The following TMEM225B variants were observed in gnomAD, a reference collection of about 807,000 sequenced individuals.
TMEM225B encodes transmembrane protein 225-like.
A neutral mutation model predicts 16.9 loss-of-function variants in TMEM225B; 10 were observed. The ratio of observed to expected loss-of-function variants is 0.59; its 90% CI spans 0.36 to 1.00. The LOEUF (loss-of-function observed/expected upper bound fraction) is 1.00. Among genes scored for constraint, TMEM225B ranks in the 50% least tolerant of loss-of-function variants. The probability of loss-of-function intolerance (pLI) is 0.01; values close to 1 mark genes in which losing one functional copy is unlikely to be tolerated. For synonymous variants in TMEM225B, 92 were observed against 109.8 expected, an observed-to-expected ratio of 0.84 and a Z score of 1.01; for missense variants, 217 against 267.0, an observed-to-expected ratio of 0.81 and a Z score of 1.30.
At chr7:99,605,055 G>A (rs928706457) in intron 3 of TMEM225B, among the ~76,000 whole-genome samples, 4 of 151,906 alleles carry the variant, frequency 2.6e-5, no homozygotes, top group Admixed American at 6.6e-5. Context: ...AATTAACCAG[G>A]CTTGGTTAAC....
intron 3 of TMEM225B, among the ~76,000 whole-genome samples, chr7:99,605,744 C>T (rs760738490): frequency 5.3e-5 from 8 of 152,240 alleles, no homozygotes; most frequent in East Asian, 3.9e-4. Flanking sequence ...TGTGCCCCAC[C>T]GTGCCCAACT....
Position 99,599,169 on chromosome 7 carries a change from G to A in TMEM225B, c.-85+788G>A, listed in dbSNP as rs374867203. On this transcript the variant is annotated intron_variant, in intron 1 of 5. Transcript: ENST00000431679. ...TTTTTGTATTTTTAGTAGAGACGGG[G>A]TTTCACCGTGTTAGCTAGGATGGTC... Among the ~76,000 whole-genome samples the A allele has an allele frequency of 3.6e-3, 535 of 148,572 alleles. 4 individuals carry two copies. Among genetic ancestry groups the A allele is most frequent in the African/African-American group, 0.012 (477 of 39,856 alleles).
chr7:99,607,018 C>T (rs2151213886), intron 4 of TMEM225B, 124 bp downstream of exon 4: 2 of 1,051,030 alleles, frequency 1.9e-6, no homozygotes, highest in Non-Finnish European at 2.7e-6. Flanking sequence ...GACAGGGTCT[C>T]ACTCTGTTAC....
At position 99,606,753 on chromosome 7, in the gene TMEM225B, A is replaced by G. The variant is rs1805849464; in HGVS notation, c.214A>G (p.Ile72Val). The G allele has an allele frequency of 6.5e-7, 1 of 1,535,970 alleles. No homozygotes were observed. The change falls in exon 4 of 6, where the codon ATC becomes GTC. Residue 72 changes from isoleucine to valine, a missense_variant. By Grantham distance (29) the Ile-to-Val change is conservative (BLOSUM62 3). Coordinates refer to ENST00000431679, the MANE Select transcript of TMEM225B (RefSeq NM_001195541.3). ...CWKPRPLSIY[I>V]ILGRVFLLSA... is the part of the protein sequence containing the mutation. ...CACTTCTCCCTCCCCTGCAGTTTAC[A>G]TCATCCTCGGCCGGGTTTTCCTGCT...
At chr7:99,607,091 G>T (rs1185031179) in intron 4 of TMEM225B, among the ~76,000 whole-genome samples, 197 bp downstream of exon 4, 1 of 152,080 alleles carries the variant, frequency 6.6e-6, no homozygotes, top group Non-Finnish European at 1.5e-5. Context: ...AGGCTAAAGT[G>T]ATCCTCCCAC....
In TMEM225B at chr7:99,606,864, T is replaced by C. The variant is rs185930051; in HGVS notation, c.325T>C (p.Phe109Leu). The change falls in exon 4 of 6, where the codon TTT becomes CTT. Residue 109 changes from phenylalanine (F) to leucine (L), a missense_variant. Phe to Leu is a conservative substitution (Grantham distance 22, BLOSUM62 0). Coordinates refer to ENST00000431679, the MANE Select transcript of TMEM225B (RefSeq NM_001195541.3). ...EFFPRTWKQNFVLACISFFTG... is the reference protein window; with the variant it reads ...EFFPRTWKQNLVLACISFFTG... ...CTTCCCGAGGACCTGGAAGCAAAAC[T>C]TTGTGTTAGCCTGCATCAGCTTCTT... 2.5e-4 allele frequency: 382 copies of C among 1,536,128 alleles called. 1 individual carries two copies. The African/African-American group carries it at 4.6e-3, about 19-fold the overall frequency.
chr7:99,607,765 C>A lies in TMEM225B; in HGVS notation c.448C>A (p.Pro150Thr), dbSNP rs913465780. The A allele has an allele frequency of 2.6e-6, 4 of 1,535,966 alleles. No homozygotes were observed. Among genetic ancestry groups the A allele is most frequent in the Non-Finnish European group, 3.5e-6 (4 of 1,146,896 alleles). The change falls in exon 5 of 6, where the codon CCT (proline) becomes ACT (threonine). Residue 150 changes from proline (P) to threonine (T), a missense_variant. Pro to Thr is a conservative substitution (Grantham distance 38). Transcript: ENST00000431679. Reference protein sequence around the residue: ...LGPLQFSVLWPYYVLGFGIFL... With the variant: ...LGPLQFSVLWTYYVLGFGIFL... ...CCCCCTGCAGTTCTCCGTGCTGTGGCCTTACTACGTGCTGGGCTTCGGCAT... is the reference window on the plus strand; with the variant it reads ...CCCCCTGCAGTTCTCCGTGCTGTGGACTTACTACGTGCTGGGCTTCGGCAT...
intron 1 of TMEM225B, among the ~76,000 whole-genome samples, chr7:99,599,545 T>C (rs755981540): frequency 2.0e-5 from 3 of 152,160 alleles, no homozygotes; most frequent in Admixed American, 6.5e-5. Flanking sequence ...CAAGACCCTG[T>C]CTCAAAAAAG....
rs1323145824 is a variant in TMEM225B at position 99,607,669 on chromosome 7, C to A, written c.356-4C>A. 6 of 1,535,276 alleles carry A rather than the reference C, an allele frequency of 3.9e-6. No homozygotes were observed. The highest frequency in any genetic ancestry group is 5.2e-6 in the Non-Finnish European group (6 of 1,146,506). The stretch of plus-strand genomic sequence containing the variant: ...ACCGAGGGTGTCTCCCTGTGACCCT[C>A]CAGGGGCCTGTGCCTTCCTGGCTTT... On this transcript the variant is annotated splice_polypyrimidine_tract_variant and splice_region_variant and intron_variant, in intron 4 of 5. Transcript: ENST00000431679.
intron 3 of TMEM225B, among the ~76,000 whole-genome samples, chr7:99,605,181 G>C (rs1805699982): frequency 6.6e-6 from 1 of 152,122 alleles, no homozygotes; most frequent in African/African-American, 2.4e-5. Flanking sequence ...TTTCACATGG[G>C]TCTGCATCAT....
In TMEM225B at chr7:99,610,763, C is replaced by A; in HGVS notation, c.*198C>A. The stretch of plus-strand genomic sequence containing the variant: ...AAATTTGCTAAAAGTCCTTTCAACT[C>A]TTCTGAGCTTCCTAAGTGACGTTTT... On this transcript the variant is annotated 3_prime_UTR_variant, in exon 6 of 6. Transcript: ENST00000431679. 1 of 458,222 alleles carries A rather than the reference C, an allele frequency of 2.2e-6. No individual in the cohort carries two copies. Among genetic ancestry groups the A allele is most frequent in the East Asian group, 3.1e-5 (1 of 31,936 alleles). 28.4% of individuals were successfully genotyped at this position (458,222 alleles called of 1,614,324 possible). A position where few individuals can be genotyped will look rare whatever the true frequency, so the allele number is the denominator to read the frequency against.
chr7:99,604,349 G>A lies in TMEM225B; in HGVS notation c.-3-37G>A, dbSNP rs565316630. 240 of 1,458,068 alleles carry A rather than the reference G, an allele frequency of 1.6e-4. No homozygotes were observed. The East Asian group carries it at 2.3e-3, about 14-fold the overall frequency. 90.3% of individuals were successfully genotyped at this position (1,458,068 alleles called of 1,614,324 possible). ...TCTGTGCTGCAGGAGAATTTGGGTC[G>A]GTGTCCCACCTCCACGATCACTTTT... On this transcript the variant is annotated intron_variant, in intron 2 of 5. Transcript: ENST00000431679.
At chr7:99,601,437 T>TA (rs1481793714) in intron 2 of TMEM225B, among the ~76,000 whole-genome samples, 1 of 151,912 alleles carries the variant, frequency 6.6e-6, no homozygotes, top group Non-Finnish European at 1.5e-5. Flanking sequence ...TACAAAAAAT[T>TA]AAAAAATTAG....
chr7:99,604,323 C>T (rs1805607221), intron 2 of TMEM225B, 63 bp from the exon 3 acceptor site: 1 of 1,095,424 alleles, frequency 9.1e-7, no homozygotes, highest in Non-Finnish European at 1.3e-6. Flanking sequence ...GTCTCCTTCC[C>T]TCTGTGCTGC....
chr7:99,600,684 GC>G lies in TMEM225B; in HGVS notation c.-4+404del, dbSNP rs1370922915. Among the ~76,000 whole-genome samples the G allele has an allele frequency of 2.6e-5, 4 of 152,232 alleles. No homozygotes were observed. The East Asian group carries it at 7.7e-4, about 29-fold the overall frequency. Reference sequence around the variant, plus strand: ...CCACGAGAACCGTATGGGGGAAACTGCCCCCGTGATTCAATTATCTCCACCT... The same window carrying G: ...CCACGAGAACCGTATGGGGGAAACTGCCCCGTGATTCAATTATCTCCACCT... On this transcript the variant is annotated intron_variant, in intron 2 of 5. Transcript: ENST00000431679.
chr7:99,607,583 G>A, intron 4 of TMEM225B, 90 bp from the exon 5 acceptor site: 1 of 1,319,750 alleles, frequency 7.6e-7, no homozygotes. Flanking sequence ...GGATGAAGGA[G>A]CCTCCAGGCA....
chr7:99,604,709 C>T (rs1805650075), intron 3 of TMEM225B, 113 bp downstream of exon 3: 2 of 855,708 alleles, frequency 2.3e-6, no homozygotes, highest in Non-Finnish European at 3.7e-6. Flanking sequence ...CTAATTAGCT[C>T]AGGGCTGGAT....
rs958951787 is a variant in TMEM225B, at chr7:99,606,621, C to T, written c.209-127C>T. 22 of 822,360 alleles carry T rather than the reference C, an allele frequency of 2.7e-5. 1 individual carries two copies. Among genetic ancestry groups the T allele is most frequent in the African/African-American group, 3.5e-5 (2 of 57,796 alleles). The allele number at this position is 822,360 out of a possible 1,614,324, so 50.9% of individuals were successfully genotyped here. On this transcript the variant is annotated intron_variant, in intron 3 of 5. Coordinates refer to ENST00000431679, the MANE Select transcript of TMEM225B (RefSeq NM_001195541.3). Reference sequence around the variant, plus strand: ...AGTGGCATGGTCACAACCTTGGTCCCAAGGCCATGCTTTGGGATCTAAGGG... The same window carrying T: ...AGTGGCATGGTCACAACCTTGGTCCTAAGGCCATGCTTTGGGATCTAAGGG...
At chr7:99,608,581 G>A (rs1211672873) in intron 5 of TMEM225B, among the ~76,000 whole-genome samples, 1 of 124,016 alleles carries the variant, frequency 8.1e-6, no homozygotes, top group South Asian at 2.6e-4. Flanking sequence ...ATAGGGTCTT[G>A]CTTTGTTGCC....
Sources: allele counts gnomAD v4.1 joint callset (sites outside exome capture counted in the v4.1 genomes callset), GRCh38; gene constraint gnomAD v4.1.1; transcripts MANE v1.5; gene names NCBI Gene and HGNC (gene_info 2026-07-23, HGNC 2026-07-21).